The following LARGE1 variants were observed in gnomAD, a reference collection of about 807,000 sequenced individuals.
LARGE1 encodes xylosyl- and glucuronyltransferase LARGE1.
Under a neutral mutation model 87.6 loss-of-function variants are expected in LARGE1, and 43 were observed. The observed-to-expected ratio is 0.49, with a 90% CI of 0.38 to 0.63. LARGE1 has a LOEUF of 0.63. Ranked by LOEUF, LARGE1 falls within the 30% of genes least tolerant of loss-of-function variation. The probability of loss-of-function intolerance (pLI) is 0.00; values close to 1 mark genes in which losing one functional copy is unlikely to be tolerated. For synonymous variants in LARGE1, 434 were observed against 394.6 expected, an observed-to-expected ratio of 1.10 and a Z score of -1.18; for missense variants, 802 against 1,000.2, an observed-to-expected ratio of 0.80 and a Z score of 2.67.
chr22:33,802,358 T>C (rs1435979145), intron 1 of LARGE1, among the ~76,000 whole-genome samples: 1 of 152,194 alleles, frequency 6.6e-6, no homozygotes, highest in Non-Finnish European at 1.5e-5. Flanking sequence ...TGTTCCAGAC[T>C]AGACAGGCTG....
chr22:33,891,015 G>A (rs1361298833), intron 1 of LARGE1, among the ~76,000 whole-genome samples: 1 of 8,428 alleles, frequency 1.2e-4, no homozygotes, highest in Non-Finnish European at 1.8e-4. Context: ...GCTCCATATG[G>A]TTCTGTGCAT....
intron 2 of LARGE1, among the ~76,000 whole-genome samples, chr22:33,757,769 C>T (rs1405993927): frequency 6.6e-6 from 1 of 152,178 alleles, no homozygotes; most frequent in Non-Finnish European, 1.5e-5. Context: ...ACCAAAAACT[C>T]AAGGGTGTCA....
intron 7 of LARGE1, among the ~76,000 whole-genome samples, chr22:33,388,097 C>A (rs910902380): frequency 1.3e-5 from 2 of 152,148 alleles, no homozygotes; most frequent in African/African-American, 4.8e-5. Context: ...TGCCTTTTCA[C>A]CCACTGTTAT....
chr22:33,389,853 A>ACCAG (rs1369981550), intron 7 of LARGE1, among the ~76,000 whole-genome samples: 4 of 67,814 alleles, frequency 5.9e-5, no homozygotes, highest in Admixed American at 1.5e-4. Flanking sequence ...TCAAAAACCA[A>ACCAG]CCAACCAACC....
chr22:33,134,351 C>T, the LARGE1 span, among the ~76,000 whole-genome samples: 1 of 151,238 alleles, frequency 6.6e-6, no homozygotes, highest in East Asian at 2.0e-4. Flanking sequence ...CTCCGCCTCC[C>T]GGGTTCACGC....
chr22:33,703,909 G>A (rs750385218), intron 2 of LARGE1, among the ~76,000 whole-genome samples: 40 of 152,234 alleles, frequency 2.6e-4, no homozygotes, highest in Non-Finnish European at 5.7e-4. Context: ...GTTAAGGTGT[G>A]TCTTCCAGAA....
intron 3 of LARGE1, among the ~76,000 whole-genome samples, chr22:33,626,988 G>A (rs1364244726): frequency 6.6e-6 from 1 of 152,352 alleles, no homozygotes; most frequent in South Asian, 2.1e-4. Flanking sequence ...CATGACATGT[G>A]TCTTGCAGGA....
chr22:33,452,527 T>C (rs1054971403), intron 6 of LARGE1, among the ~76,000 whole-genome samples: 3 of 152,118 alleles, frequency 2.0e-5, no homozygotes, highest in Admixed American at 1.3e-4. Flanking sequence ...TGTCACAAGC[T>C]CAATCTGGAA....
chr22:33,437,983 C>T (rs2147790172), intron 6 of LARGE1, among the ~76,000 whole-genome samples: 2 of 152,220 alleles, frequency 1.3e-5, no homozygotes, highest in Middle Eastern at 6.8e-3. Context: ...CACATCCCTT[C>T]CAGCACTGCA....
At chr22:33,700,575 C>A (rs1046598982) in intron 2 of LARGE1, among the ~76,000 whole-genome samples, 1 of 152,160 alleles carries the variant, frequency 6.6e-6, no homozygotes, top group Non-Finnish European at 1.5e-5. Context: ...CGGTGGACTT[C>A]ATCTCTGAAT....
intron 7 of LARGE1, among the ~76,000 whole-genome samples, chr22:33,427,254 C>T (rs563731519): frequency 2.0e-5 from 3 of 152,272 alleles, no homozygotes; most frequent in East Asian, 1.9e-4. Context: ...CTGTGAAAGA[C>T]GCCTGTAATT....
intron 6 of LARGE1, among the ~76,000 whole-genome samples, chr22:33,456,081 T>C (rs939323663): frequency 2.0e-5 from 3 of 152,178 alleles, no homozygotes; most frequent in African/African-American, 7.2e-5. Flanking sequence ...GGCTGAGCAA[T>C]TACTACAGGT....
At chr22:33,884,042 T>C (rs2064774083) in intron 1 of LARGE1, among the ~76,000 whole-genome samples, 1 of 152,250 alleles carries the variant, frequency 6.6e-6, no homozygotes, top group Non-Finnish European at 1.5e-5. Context: ...GTGCCTCATA[T>C]ACAGTAGTGC....
chr22:33,717,536 A>T (rs1442801532), intron 2 of LARGE1, among the ~76,000 whole-genome samples: 1 of 152,206 alleles, frequency 6.6e-6, no homozygotes, highest in Non-Finnish European at 1.5e-5. Flanking sequence ...AAATCCAGAA[A>T]GCCACAGAGG....
At chr22:33,748,441 C>T (rs2084184505) in intron 2 of LARGE1, among the ~76,000 whole-genome samples, 1 of 152,166 alleles carries the variant, frequency 6.6e-6, no homozygotes, top group South Asian at 2.1e-4. Flanking sequence ...CTTGAGCGAC[C>T]TGTTGCTTCC....
At chr22:33,856,932 T>A (rs2063772037) in intron 1 of LARGE1, 1 of 151,186 alleles carries the variant, frequency 6.6e-6, no homozygotes, top group African/African-American at 2.4e-5. Flanking sequence ...TAAAATAACT[T>A]TTTTTTTTCT....
chr22:33,288,838 G>C (rs1201121428), intron 12 of LARGE1, among the ~76,000 whole-genome samples: 1 of 152,112 alleles, frequency 6.6e-6, no homozygotes. Context: ...CCTCTTTGCA[G>C]ACCAGCTCCA....
the LARGE1 span, among the ~76,000 whole-genome samples, chr22:33,086,652 A>C: frequency 6.7e-6 from 1 of 149,946 alleles, no homozygotes. Context: ...TCCCGGGTTC[A>C]AGCTATTCTC....
chr22:33,728,321 T>C (rs1278982132), intron 2 of LARGE1, among the ~76,000 whole-genome samples: 1 of 152,016 alleles, frequency 6.6e-6, no homozygotes, highest in Non-Finnish European at 1.5e-5. Context: ...GGCAGATCAC[T>C]TGAGGTCAGG....
Sources: gnomAD v4.1 joint callset for allele counts (sites outside exome capture counted in the v4.1 genomes callset) on GRCh38, gnomAD v4.1.1 for gene constraint, MANE v1.5 for transcripts, NCBI Gene and HGNC (gene_info 2026-07-23, HGNC 2026-07-21) for gene names.